NCK2: variants seen among roughly 807,000 people sequenced by gnomAD.
NCK2 encodes the protein NCK adaptor protein 2, also known as cytoplasmic protein NCK2.
In NCK2, 16 loss-of-function variants were observed where a neutral mutation model predicts 33.9. The ratio of observed to expected loss-of-function variants is 0.47; its 90% CI spans 0.32 to 0.72. NCK2 has a LOEUF of 0.72. Among genes scored for constraint, NCK2 ranks in the 30% least tolerant of loss-of-function variants. NCK2 has a pLI of 0.03. For missense variants in NCK2, 418 were observed against 537.3 expected (o/e 0.78, Z 2.19); for synonymous variants, 273 against 239.9 (o/e 1.14, Z -1.27).
At chr2:105,817,564 T>A (rs900517068) in intron 2 of NCK2, among the ~76,000 whole-genome samples, 3 of 152,076 alleles carry the variant, frequency 2.0e-5, no homozygotes, top group African/African-American at 7.2e-5. Context: ...AAACTTTTAA[T>A]TTGCTCAAAA....
At chr2:105,871,301 A>C (rs929004719) in intron 3 of NCK2, among the ~76,000 whole-genome samples, 1 of 151,868 alleles carries the variant, frequency 6.6e-6, no homozygotes, top group Non-Finnish European at 1.5e-5. Flanking sequence ...GCCTTTAGAC[A>C]GGCAAGGTGC....
chr2:105,873,654 T>C (rs1573233518), intron 3 of NCK2, among the ~76,000 whole-genome samples: 1 of 151,724 alleles, frequency 6.6e-6, no homozygotes, highest in Admixed American at 6.5e-5. Flanking sequence ...GGGGGAAGGG[T>C]GGTTTTATTT....
intron 1 of NCK2, among the ~76,000 whole-genome samples, chr2:105,803,579 G>A (rs1487248725): frequency 2.0e-5 from 3 of 152,174 alleles, no homozygotes; most frequent in Non-Finnish European, 2.9e-5. Context: ...AGGAAAGTGC[G>A]GAACTGGCAT....
At chr2:105,751,043 C>A (rs762177582) in intron 1 of NCK2, among the ~76,000 whole-genome samples, 1 of 152,192 alleles carries the variant, frequency 6.6e-6, no homozygotes, top group African/African-American at 2.4e-5. Flanking sequence ...AAGGCAGGGG[C>A]AATGCCTGCA....
In NCK2 at chr2:105,894,028, A is replaced by G. The variant is rs1679112632; in HGVS notation, c.*852A>G. On this transcript the variant is annotated 3_prime_UTR_variant, in exon 5 of 5. Transcript: ENST00000233154. ...ACACACACACACACACACTATATATATATATATTATTTACAGGGAAATTTT... is the reference window on the plus strand; with the variant it reads ...ACACACACACACACACACTATATATGTATATATTATTTACAGGGAAATTTT... 1 of 152,342 alleles carries G rather than the reference A, an allele frequency of 6.6e-6. No individual in the cohort carries two copies. Among genetic ancestry groups the G allele is most frequent in the African/African-American group, 2.4e-5 (1 of 41,358 alleles). 9.4% of individuals were successfully genotyped at this position (152,342 alleles called of 1,614,324 possible).
At chr2:105,866,882 C>T (rs1318376389) in intron 3 of NCK2, among the ~76,000 whole-genome samples, 1 of 152,146 alleles carries the variant, frequency 6.6e-6, no homozygotes, top group East Asian at 1.9e-4. Flanking sequence ...TTGGGATGCT[C>T]AGTGTGGCTT....
intron 1 of NCK2, among the ~76,000 whole-genome samples, chr2:105,758,703 C>T (rs956828395): frequency 2.6e-4 from 40 of 152,166 alleles, no homozygotes; most frequent in African/African-American, 8.9e-4. Flanking sequence ...CCACTGAGCC[C>T]GTCCCGTTTT....
intron 1 of NCK2, among the ~76,000 whole-genome samples, chr2:105,778,905 T>G (rs1171981344): frequency 6.7e-6 from 1 of 149,938 alleles, no homozygotes; most frequent in East Asian, 2.0e-4. Flanking sequence ...ATAATGGTTA[T>G]TTTTTTTTTC....
chr2:105,817,865 G>A (rs1005833174), intron 2 of NCK2, among the ~76,000 whole-genome samples: 1 of 152,164 alleles, frequency 6.6e-6, no homozygotes, highest in Admixed American at 6.5e-5. Flanking sequence ...GTGGAAGACA[G>A]TGTGGCGATT....
At chr2:105,869,757 T>C (rs913879468) in intron 3 of NCK2, among the ~76,000 whole-genome samples, 7 of 152,192 alleles carry the variant, frequency 4.6e-5, no homozygotes, top group African/African-American at 1.7e-4. Flanking sequence ...TCAAAAACGC[T>C]TGGGCTCATG....
In NCK2 at chr2:105,759,450, A is replaced by G. The variant is rs558629844; in HGVS notation, c.-201+14312A>G. 1.1e-3 allele frequency among the ~76,000 whole-genome samples: 137 copies of G among 122,522 alleles called. 1 individual carries two copies. The highest frequency in any genetic ancestry group is 4.2e-3 in the African/African-American group (134 of 31,740). 80.4% of individuals were successfully genotyped at this position (122,522 alleles called of 152,430 possible). On this transcript the variant is annotated intron_variant, in intron 1 of 4. Coordinates refer to ENST00000233154, the MANE Select transcript of NCK2 (RefSeq NM_003581.5). ...TGTTGAAAGTCAACCATGTTACCCTATGCATACAGGCTTTTATATAATAAA... is the reference window on the plus strand; with the variant it reads ...TGTTGAAAGTCAACCATGTTACCCTGTGCATACAGGCTTTTATATAATAAA...
At chr2:105,772,538 A>C (rs1211100574) in intron 1 of NCK2, among the ~76,000 whole-genome samples, 3 of 152,030 alleles carry the variant, frequency 2.0e-5, no homozygotes, top group Non-Finnish European at 4.4e-5. Context: ...CCTCCGCAGC[A>C]CTGGGGTCAG....
intron 3 of NCK2, among the ~76,000 whole-genome samples, chr2:105,874,745 G>A (rs1001137582): frequency 6.6e-6 from 1 of 152,072 alleles, no homozygotes; most frequent in African/African-American, 2.4e-5. Flanking sequence ...ATCTGAAAGG[G>A]GATATAAAAG....
chr2:105,855,141 C>T lies in NCK2; in HGVS notation c.78C>T (p.Asn26=), dbSNP rs754086407. The T allele has an allele frequency of 2.4e-5, 39 of 1,614,174 alleles. No individual in the cohort carries two copies. Among genetic ancestry groups the T allele is most frequent in the Non-Finnish European group, 2.9e-5 (34 of 1,180,040 alleles). The change falls in exon 3 of 5, where the codon AAC becomes AAT. Residue 26 remains asparagine, a synonymous_variant. Transcript: ENST00000233154. ...QQDQELDIKK[N]ERLWLLDDSK... is the part of the protein sequence containing the mutation. ...ACCAGGAGCTGGACATCAAGAAGAACGAGCGGCTGTGGTTGCTGGACGACT... is the reference window on the plus strand; with the variant it reads ...ACCAGGAGCTGGACATCAAGAAGAATGAGCGGCTGTGGTTGCTGGACGACT...
chr2:105,760,477 G>A (rs911304520), intron 1 of NCK2, among the ~76,000 whole-genome samples: 2 of 152,166 alleles, frequency 1.3e-5, no homozygotes, highest in African/African-American at 4.8e-5. Flanking sequence ...GTGCCGGCCA[G>A]GAGTCAGGCC....
intron 2 of NCK2, among the ~76,000 whole-genome samples, chr2:105,832,262 C>A (rs542634916): frequency 1.3e-5 from 2 of 152,048 alleles, no homozygotes; most frequent in African/African-American, 4.8e-5. Flanking sequence ...TTTACCAATT[C>A]TACAGTATTT....
intron 2 of NCK2, among the ~76,000 whole-genome samples, chr2:105,835,388 C>CGTATATATATATATATATATATATATAT: frequency 1.9e-5 from 1 of 52,112 alleles, no homozygotes; most frequent in Non-Finnish European, 3.5e-5. Context: ...TATATATACA[C>CGTATATATATATATATATATATATATAT]ATATATATAT....
At chr2:105,861,919 CCCTCCCTCCCTCCCTCCTGCCCGCT>C (rs1299210633) in intron 3 of NCK2, among the ~76,000 whole-genome samples, 2 of 70,742 alleles carry the variant, frequency 2.8e-5, no homozygotes, top group African/African-American at 7.2e-5. Flanking sequence ...CTCCCTCCCT[CCCTCCCTCCCTCCCTCCTGCCCGCT>C]CCCCCCTTCC....
intron 1 of NCK2, among the ~76,000 whole-genome samples, chr2:105,797,976 A>G (rs1280950247): frequency 6.6e-6 from 1 of 152,214 alleles, no homozygotes; most frequent in Non-Finnish European, 1.5e-5. Flanking sequence ...CTGACTAGCT[A>G]TAGTGATCTA....
Sources: allele counts gnomAD v4.1 joint callset (sites outside exome capture counted in the v4.1 genomes callset), GRCh38; gene constraint gnomAD v4.1.1; transcripts MANE v1.5; gene names NCBI Gene and HGNC (gene_info 2026-07-23, HGNC 2026-07-21).